Variants in KCND3 observed in about 807,000 individuals in gnomAD.
KCND3 encodes A-type voltage-gated potassium channel KCND3.
A neutral mutation model predicts 51.1 loss-of-function variants in KCND3; 9 were observed. The ratio of observed to expected loss-of-function variants is 0.18; its 90% confidence interval spans 0.11 to 0.31. KCND3 has a LOEUF of 0.31. Ranked by LOEUF, KCND3 falls within the 10% of genes least tolerant of loss-of-function variation. KCND3 has a pLI of 1.00. For missense variants in KCND3, 526 were observed against 903.8 expected (o/e 0.58, Z 5.36); for synonymous variants, 349 against 368.0 (o/e 0.95, Z 0.59).
Position 111,771,922 on chromosome 1 carries a change from T to G in KCND3, c.*4155A>C, listed in dbSNP as rs1663944668. 6.6e-6 allele frequency: 1 copy of G among 152,168 alleles called. No homozygotes were observed. The highest frequency in any genetic ancestry group is 1.5e-5 in the Non-Finnish European group (1 of 68,018). 9.4% of individuals were successfully genotyped at this position (152,168 alleles called of 1,614,324 possible). ...AGTACAGAGTTTGTTTCCAGAGATC[T>G]TGGTTCACGGTGGTTCTGAATTGAA... is the stretch of plus-strand genomic sequence containing the variant. On this transcript the variant is annotated 3_prime_UTR_variant, in exon 8 of 8. Coordinates refer to ENST00000302127, the MANE Select transcript of KCND3 (RefSeq NM_001378969.1).
chr1:111,946,358 A>C (rs1268452261), intron 2 of KCND3, among the ~76,000 whole-genome samples: 1 of 152,192 alleles, frequency 6.6e-6, no homozygotes, highest in Non-Finnish European at 1.5e-5. Flanking sequence ...AATGGAACAA[A>C]ACACTGAGCC....
chr1:111,888,215 C>T (rs1196912299), intron 2 of KCND3, among the ~76,000 whole-genome samples: 1 of 152,144 alleles, frequency 6.6e-6, no homozygotes, highest in Non-Finnish European at 1.5e-5. Flanking sequence ...CTCCAAGGGC[C>T]AGAGGCCAAG....
At chr1:111,927,973 C>T (rs773704449) in intron 2 of KCND3, among the ~76,000 whole-genome samples, 4 of 152,168 alleles carry the variant, frequency 2.6e-5, no homozygotes, top group African/African-American at 4.8e-5. Context: ...GAGGTCACTG[C>T]TCACCTCTCC....
At chr1:111,986,902 C>T (rs567640787) in intron 1 of KCND3, among the ~76,000 whole-genome samples, 1 of 152,324 alleles carries the variant, frequency 6.6e-6, no homozygotes, top group African/African-American at 2.4e-5. Flanking sequence ...AGTTCACCCA[C>T]AGAACCCCTG....
chr1:111,970,166 G>A (rs184759149), intron 2 of KCND3, among the ~76,000 whole-genome samples: 401 of 152,110 alleles, frequency 2.6e-3, no homozygotes, highest in African/African-American at 9.4e-3. Context: ...ACAGGCGCCT[G>A]TCACCACTCC....
chr1:111,932,427 A>G (rs988824855), intron 2 of KCND3, among the ~76,000 whole-genome samples: 3 of 152,192 alleles, frequency 2.0e-5, no homozygotes. Flanking sequence ...ATGCAGTGGC[A>G]TTAAGTGCAT....
rs189045130 is a variant in KCND3, at chr1:111,953,878, G to A, written c.1106+27743C>T. 5.6e-4 allele frequency among the ~76,000 whole-genome samples: 86 copies of A among 152,304 alleles called. 1 individual carries two copies. Among genetic ancestry groups the A allele is most frequent in the African/African-American group, 2.0e-3 (83 of 41,562 alleles). ...ATCTAGGAGAAGGAGGAGGCTCATTGAGGGCGTTTTCCCTCCTGCTCCAGA... is the reference window on the plus strand; with the variant it reads ...ATCTAGGAGAAGGAGGAGGCTCATTAAGGGCGTTTTCCCTCCTGCTCCAGA... On this transcript the variant is annotated intron_variant, in intron 2 of 7. Coordinates refer to ENST00000302127, the MANE Select transcript of KCND3 (RefSeq NM_001378969.1).
chr1:111,855,854 C>T (rs1668041046), intron 2 of KCND3, among the ~76,000 whole-genome samples: 2 of 152,162 alleles, frequency 1.3e-5, no homozygotes, highest in Admixed American at 1.3e-4. Flanking sequence ...ACCATCTAGG[C>T]TAACTGGATG....
intron 2 of KCND3, among the ~76,000 whole-genome samples, chr1:111,969,018 T>C (rs911738565): frequency 6.6e-6 from 1 of 152,178 alleles, no homozygotes; most frequent in Non-Finnish European, 1.5e-5. Flanking sequence ...CTTTTTTTTT[T>C]CTTTGGAGGG....
At position 111,776,005 on chromosome 1, in the gene KCND3, T is replaced by C. The variant is rs1343853897; in HGVS notation, c.*72A>G. The C allele has an allele frequency of 2.1e-5, 32 of 1,491,770 alleles. No homozygotes were observed. In the East Asian group the frequency reaches 2.7e-4, roughly 13 times the overall value. The allele number at this position is 1,491,770 out of a possible 1,614,324, so 92.4% of individuals were successfully genotyped here. On this transcript the variant is annotated 3_prime_UTR_variant, in exon 8 of 8. Transcript: ENST00000302127. ...TGGGGAAAGGGGGGAGGGAGTGGTCTCAGTGACCACCCACCAACATGCCAG... is the reference window on the plus strand; with the variant it reads ...TGGGGAAAGGGGGGAGGGAGTGGTCCCAGTGACCACCCACCAACATGCCAG...
intron 1 of KCND3, among the ~76,000 whole-genome samples, chr1:111,983,142 C>T (rs965840351): frequency 6.6e-6 from 1 of 152,106 alleles, no homozygotes; most frequent in African/African-American, 2.4e-5. Flanking sequence ...AAGGTTATGG[C>T]GTTATTACCA....
intron 2 of KCND3, among the ~76,000 whole-genome samples, chr1:111,801,401 G>A (rs1665301364): frequency 6.6e-6 from 1 of 152,190 alleles, no homozygotes; most frequent in Non-Finnish European, 1.5e-5. Context: ...CACAGAAGCT[G>A]GGCTGGTCAA....
At chr1:111,893,389 G>A (rs1461420787) in intron 2 of KCND3, among the ~76,000 whole-genome samples, 2 of 152,170 alleles carry the variant, frequency 1.3e-5, no homozygotes, top group Non-Finnish European at 2.9e-5. Context: ...CCCTCAGGAG[G>A]TGTTCAGGGA....
chr1:111,965,409 C>A (rs1368671099), intron 2 of KCND3, among the ~76,000 whole-genome samples: 1 of 144,620 alleles, frequency 6.9e-6, no homozygotes, highest in Non-Finnish European at 1.5e-5. Flanking sequence ...ACTCCCTCCT[C>A]CCTCCCCGAC....
intron 2 of KCND3, among the ~76,000 whole-genome samples, chr1:111,916,619 T>C (rs1391331125): frequency 2.0e-5 from 3 of 151,924 alleles, no homozygotes; most frequent in African/African-American, 7.3e-5. Flanking sequence ...AACCAAAAGC[T>C]CTTTTCTAAA....
In KCND3 at chr1:111,813,386, G is replaced by A. The variant is rs540379470; in HGVS notation, c.1107-26280C>T. On this transcript the variant is annotated intron_variant, in intron 2 of 7. Transcript: ENST00000302127. ...GTCAGAAAAGAGTCATGGCAACGAG[G>A]AGGCTGAGCACCAGAGCTGAAGCCA... 3.3e-5 allele frequency among the ~76,000 whole-genome samples: 5 copies of A among 152,322 alleles called. No individual in the cohort carries two copies. The East Asian group carries it at 9.6e-4, about 29-fold the overall frequency.
chr1:111,918,007 T>C (rs1263946517), intron 2 of KCND3, among the ~76,000 whole-genome samples: 2 of 152,228 alleles, frequency 1.3e-5, no homozygotes, highest in Admixed American at 6.5e-5. Context: ...TGTGAGGTTG[T>C]CCTACCCTGC....
chr1:111,805,506 C>T (rs943286260), intron 2 of KCND3, among the ~76,000 whole-genome samples: 2 of 152,266 alleles, frequency 1.3e-5, no homozygotes, highest in African/African-American at 4.8e-5. Flanking sequence ...ATACCCTGTG[C>T]ATTTCAATGG....
intron 2 of KCND3, among the ~76,000 whole-genome samples, chr1:111,845,500 T>C (rs544100918): frequency 6.6e-6 from 1 of 152,132 alleles, no homozygotes; most frequent in African/African-American, 2.4e-5. Context: ...ATATCCCAAA[T>C]GGAGCTTTAC....
Sources: gnomAD v4.1 joint callset for allele counts (sites outside exome capture counted in the v4.1 genomes callset) on GRCh38, gnomAD v4.1.1 for gene constraint, MANE v1.5 for transcripts, NCBI Gene and HGNC (gene_info 2026-07-23, HGNC 2026-07-21) for gene names.